WWC2: variants seen among roughly 807,000 people sequenced by gnomAD.
WWC2 encodes protein WWC2.
A neutral mutation model predicts 138.5 loss-of-function variants in WWC2; 101 were observed. The ratio of observed to expected loss-of-function variants is 0.73; its 90% CI spans 0.62 to 0.86. The LOEUF (loss-of-function observed/expected upper bound fraction) is 0.86, where lower values mean the gene tolerates loss of function less well. WWC2 is among the 40% of genes least tolerant of loss of function. WWC2 has a pLI of 0.00. For synonymous variants in WWC2, 558 were observed against 538.4 expected, an observed-to-expected ratio of 1.04 and a Z score of -0.50; for missense variants, 1,420 against 1,419.4, an observed-to-expected ratio of 1.00 and a Z score of -0.01.
intron 21 of WWC2, among the ~76,000 whole-genome samples, chr4:183,311,502 C>CCCCTTCCT (rs1362479794): frequency 1.3e-5 from 2 of 152,056 alleles, no homozygotes; most frequent in African/African-American, 4.8e-5. Context: ...GGAGTGTTCT[C>CCCCTTCCT]CCCTTCCTCC....
At chr4:183,246,179 C>T (rs1470827969) in intron 6 of WWC2, among the ~76,000 whole-genome samples, 4 of 152,112 alleles carry the variant, frequency 2.6e-5, no homozygotes, top group Non-Finnish European at 5.9e-5. Flanking sequence ...ACAAAATAGC[C>T]GTTAAGTGAT....
intron 1 of WWC2, among the ~76,000 whole-genome samples, chr4:183,126,605 C>G (rs1444321998): frequency 3.3e-5 from 5 of 152,182 alleles, no homozygotes; most frequent in Non-Finnish European, 5.9e-5. Flanking sequence ...CCAAAACCTA[C>G]ATATTTTACT....
intron 1 of WWC2, among the ~76,000 whole-genome samples, chr4:183,139,907 G>A (rs1733245011): frequency 6.6e-6 from 1 of 152,108 alleles, no homozygotes; most frequent in African/African-American, 2.4e-5. Context: ...CCATCTCCCG[G>A]GTGCAAGCAA....
At position 183,259,643 on chromosome 4, in the gene WWC2, A is replaced by C. The variant is rs766128667; in HGVS notation, c.1201A>C (p.Arg401=). The change falls in exon 10 of 23, where the codon AGA becomes CGA. Residue 401 remains arginine (R), a synonymous_variant. Transcript: ENST00000403733. ...AATAATTTTTTTTCTTCCTAGATTG[A>C]GATTGGAAGAGAGAAGAAAAGAGCT... The part of the protein sequence containing the change: ...TPSRALAERL[R]LEERRKELLQ... 73 of 1,526,634 alleles carry C rather than the reference A, an allele frequency of 4.8e-5. No homozygotes were observed. The highest frequency in any genetic ancestry group is 6.1e-5 in the Non-Finnish European group (70 of 1,138,644). The allele number at this position is 1,526,634 out of a possible 1,614,324, so 94.6% of individuals were successfully genotyped here.
chr4:183,216,770 CAGAGAGAAGGGAGCTACAG>C lies in WWC2; in HGVS notation c.522+7749_522+7767del, dbSNP rs372901341. Reference sequence around the variant, plus strand: ...AGTGGCTAGAATATATAGGAAATACCAGAGAGAAGGGAGCTACAGAGATAGAAGAGAGCAAGAGCAGGCA... The same window carrying C: ...AGTGGCTAGAATATATAGGAAATACCAGATAGAAGAGAGCAAGAGCAGGCA... On this transcript the variant is annotated intron_variant, in intron 4 of 22. Coordinates refer to ENST00000403733, the MANE Select transcript of WWC2 (RefSeq NM_024949.6). 3.9e-3 allele frequency among the ~76,000 whole-genome samples: 591 copies of C among 152,140 alleles called. 2 individuals are homozygous for C. The highest frequency in any genetic ancestry group is 0.014 in the African/African-American group (566 of 41,502).
intron 1 of WWC2, among the ~76,000 whole-genome samples, chr4:183,146,970 G>A (rs972989787): frequency 4.6e-5 from 7 of 152,220 alleles, no homozygotes; most frequent in African/African-American, 1.7e-4. Flanking sequence ...ATGTTCTCGA[G>A]AAACACTTGG....
intron 14 of WWC2, among the ~76,000 whole-genome samples, chr4:183,266,914 C>T (rs1737521311): frequency 6.6e-6 from 1 of 152,042 alleles, no homozygotes. Flanking sequence ...TACAGAGTTG[C>T]TTGTAAGTTC....
chr4:183,107,441 A>G (rs1561417247), intron 1 of WWC2, among the ~76,000 whole-genome samples: 2 of 152,182 alleles, frequency 1.3e-5, no homozygotes, highest in Non-Finnish European at 2.9e-5. Flanking sequence ...AGCCACCACA[A>G]CTGGCCTCAC....
intron 9 of WWC2, among the ~76,000 whole-genome samples, chr4:183,255,005 G>C (rs1360283746): frequency 2.6e-5 from 4 of 152,204 alleles, no homozygotes; most frequent in Non-Finnish European, 5.9e-5. Flanking sequence ...ACATTCCCAG[G>C]TAGGTGTTAG....
At chr4:183,139,306 T>C (rs982888641) in intron 1 of WWC2, among the ~76,000 whole-genome samples, 2 of 152,224 alleles carry the variant, frequency 1.3e-5, no homozygotes, top group African/African-American at 4.8e-5. Flanking sequence ...ATTCTACCTC[T>C]GTATGCTCAG....
At chr4:183,112,132 G>A (rs1407342073) in intron 1 of WWC2, among the ~76,000 whole-genome samples, 1 of 152,142 alleles carries the variant, frequency 6.6e-6, no homozygotes, top group Non-Finnish European at 1.5e-5. Context: ...TAACATCAGT[G>A]CCCTGGTTTG....
At chr4:183,154,169 AGTT>A (rs1733731054) in intron 1 of WWC2, among the ~76,000 whole-genome samples, 1 of 152,188 alleles carries the variant, frequency 6.6e-6, no homozygotes, top group Non-Finnish European at 1.5e-5. Context: ...TTTTTGTAGT[AGTT>A]GAGTTCATTA....
At chr4:183,240,020 C>G (rs2111310083) in intron 4 of WWC2, among the ~76,000 whole-genome samples, 163 bp from the exon 5 acceptor site, 1 of 152,214 alleles carries the variant, frequency 6.6e-6, no homozygotes, top group Non-Finnish European at 1.5e-5. Context: ...CATTAATATG[C>G]CTTCCACAGA....
At chr4:183,273,780 A>G (rs1737770338) in intron 16 of WWC2, among the ~76,000 whole-genome samples, 1 of 152,078 alleles carries the variant, frequency 6.6e-6, no homozygotes, top group South Asian at 2.1e-4. Context: ...CAGTTTATCC[A>G]TTTTTCAAAA....
At chr4:183,257,532 C>T (rs1406547380) in intron 9 of WWC2, among the ~76,000 whole-genome samples, 1 of 152,118 alleles carries the variant, frequency 6.6e-6, no homozygotes, top group Admixed American at 6.5e-5. Flanking sequence ...CTTTCTCATC[C>T]AGCAGACCAA....
chr4:183,100,120 C>A (rs1034085669), intron 1 of WWC2, among the ~76,000 whole-genome samples: 1 of 152,184 alleles, frequency 6.6e-6, no homozygotes, highest in Non-Finnish European at 1.5e-5. Flanking sequence ...CCGGAGGTCC[C>A]GAGCTGGGAA....
intron 11 of WWC2, among the ~76,000 whole-genome samples, chr4:183,263,242 C>G (rs529250539): frequency 2.6e-5 from 4 of 152,282 alleles, no homozygotes; most frequent in East Asian, 3.9e-4. Context: ...GTGACCACTT[C>G]TAACATTCAG....
At chr4:183,147,199 T>A (rs1166674692) in intron 1 of WWC2, among the ~76,000 whole-genome samples, 1 of 152,200 alleles carries the variant, frequency 6.6e-6, no homozygotes, top group East Asian at 1.9e-4. Context: ...TAGGAACTTT[T>A]GAGTTCTTGT....
intron 1 of WWC2, among the ~76,000 whole-genome samples, chr4:183,113,952 A>T (rs1732332053): frequency 6.6e-6 from 1 of 152,074 alleles, no homozygotes; most frequent in Non-Finnish European, 1.5e-5. Context: ...AAAAGAGAGA[A>T]TAAAAGAGTT....
Sources: gnomAD v4.1 joint callset for allele counts (sites outside exome capture counted in the v4.1 genomes callset) on GRCh38, gnomAD v4.1.1 for gene constraint, MANE v1.5 for transcripts, NCBI Gene and HGNC (gene_info 2026-07-23, HGNC 2026-07-21) for gene names.